The following FOXP1 variants were observed in gnomAD, a reference collection of about 807,000 sequenced individuals.
FOXP1 encodes the protein forkhead box protein P1.
Under a neutral mutation model 98.2 loss-of-function variants are expected in FOXP1, and 15 were observed. That is an observed-to-expected ratio of 0.15 (90% CI 0.10 to 0.24). The LOEUF is 0.24. Among genes scored for constraint, FOXP1 ranks in the 10% least tolerant of loss-of-function variants. The probability of loss-of-function intolerance (pLI) is 1.00; values close to 1 mark genes in which losing one functional copy is unlikely to be tolerated. For missense variants in FOXP1, 633 were observed against 848.5 expected, an observed-to-expected ratio of 0.75 and a Z score of 3.15; for synonymous variants, 371 against 314.5, an observed-to-expected ratio of 1.18 and a Z score of -1.90.
At chr3:71,265,892 T>C (rs2069596837) in intron 5 of FOXP1, among the ~76,000 whole-genome samples, 1 of 152,072 alleles carries the variant, frequency 6.6e-6, no homozygotes, top group South Asian at 2.1e-4. Flanking sequence ...CAGGAGCTCA[T>C]TTCACACCTC....
chr3:71,118,619 A>G (rs1259668098), intron 6 of FOXP1, among the ~76,000 whole-genome samples: 1 of 152,202 alleles, frequency 6.6e-6, no homozygotes, highest in Non-Finnish European at 1.5e-5. Flanking sequence ...GACTAACTGG[A>G]AAGTTTCTAG....
intron 7 of FOXP1, among the ~76,000 whole-genome samples, chr3:71,087,689 G>A (rs1249532264): frequency 6.6e-6 from 1 of 152,096 alleles, no homozygotes; most frequent in Non-Finnish European, 1.5e-5. Flanking sequence ...CAAATTTGTG[G>A]GTGGGGAAAC....
In FOXP1 at chr3:71,169,603, TC is replaced by T. The variant is rs1413603452; in HGVS notation, c.180+28598del. 2.0e-4 allele frequency among the ~76,000 whole-genome samples: 30 copies of T among 151,672 alleles called. No individual in the cohort carries two copies. In the East Asian group the frequency reaches 4.7e-3, roughly 24 times the overall value. On this transcript the variant is annotated intron_variant, in intron 6 of 20. Coordinates refer to ENST00000649528, the MANE Select transcript of FOXP1 (RefSeq NM_001349338.3). Reference sequence around the variant, plus strand: ...AACTGCACCTTTTATCTTTCCTTCCTCCCCCACCGCCCCCCGCAAATGTATC... The same window carrying T: ...AACTGCACCTTTTATCTTTCCTTCCTCCCCACCGCCCCCCGCAAATGTATC...
At chr3:71,465,879 T>C (rs1185557778) in intron 3 of FOXP1, among the ~76,000 whole-genome samples, 1 of 152,088 alleles carries the variant, frequency 6.6e-6, no homozygotes, top group African/African-American at 2.4e-5. Context: ...GCGAACCCTA[T>C]TGTGAACTGT....
At chr3:70,982,419 T>G (rs1286195551) in intron 14 of FOXP1, among the ~76,000 whole-genome samples, 1 of 152,224 alleles carries the variant, frequency 6.6e-6, no homozygotes, top group Non-Finnish European at 1.5e-5. Flanking sequence ...GGAAAGCCTA[T>G]TTTTCTTATT....
chr3:71,429,691 C>T (rs2084514764), intron 3 of FOXP1, among the ~76,000 whole-genome samples: 1 of 152,176 alleles, frequency 6.6e-6, no homozygotes, highest in African/African-American at 2.4e-5. Context: ...TCTGTGTTAA[C>T]TAAATATTGA....
intron 6 of FOXP1, among the ~76,000 whole-genome samples, chr3:71,140,710 AG>A: frequency 6.6e-6 from 1 of 152,306 alleles, no homozygotes; most frequent in Admixed American, 6.5e-5. Context: ...GCTTCTAAGT[AG>A]GTATCCAAAT....
At chr3:70,987,049 C>T (rs1007058171) in intron 14 of FOXP1, among the ~76,000 whole-genome samples, 1 of 152,192 alleles carries the variant, frequency 6.6e-6, no homozygotes, top group Non-Finnish European at 1.5e-5. Context: ...TGATTAAAAT[C>T]GCTGGTACTA....
At chr3:71,230,458 T>C (rs2066195139) in intron 5 of FOXP1, among the ~76,000 whole-genome samples, 1 of 152,142 alleles carries the variant, frequency 6.6e-6, no homozygotes, top group African/African-American at 2.4e-5. Flanking sequence ...AACCCTCCTC[T>C]ACCTGGAAAC....
At position 71,154,096 on chromosome 3, in the gene FOXP1, C is replaced by CTTCTTCT. The variant is rs1553761196; in HGVS notation, c.181-41460_181-41459insAGAAGAA. Among the ~76,000 whole-genome samples, 515 of 150,120 alleles carry CTTCTTCT rather than the reference C, an allele frequency of 3.4e-3. 5 individuals carry two copies. Among genetic ancestry groups the CTTCTTCT allele is most frequent in the African/African-American group, 0.012 (506 of 40,868 alleles). On this transcript the variant is annotated intron_variant, in intron 6 of 20. Coordinates refer to ENST00000649528, the MANE Select transcript of FOXP1 (RefSeq NM_001349338.3). ...TTGCATTCTTCTTCTTCTTCTTCTT[C>CTTCTTCT]TTTTTTTTTGCAATTGACTAATAAT...
chr3:71,058,144 C>T (rs2050935859), intron 7 of FOXP1, among the ~76,000 whole-genome samples: 1 of 151,980 alleles, frequency 6.6e-6, no homozygotes, highest in Non-Finnish European at 1.5e-5. Context: ...ATCTAGGAGA[C>T]AATTGAAGGA....
chr3:71,333,205 G>A (rs2076450922), intron 4 of FOXP1: 1 of 152,120 alleles, frequency 6.6e-6, no homozygotes, highest in African/African-American at 2.4e-5. Flanking sequence ...CCAAAGTAGA[G>A]AAGAATACAG....
chr3:71,564,861 T>C (rs2046793722), intron 2 of FOXP1, among the ~76,000 whole-genome samples: 1 of 152,190 alleles, frequency 6.6e-6, no homozygotes, highest in Non-Finnish European at 1.5e-5. Flanking sequence ...AGGCCTGTAA[T>C]CTCAGCACTT....
At chr3:71,015,812 AT>A (rs1407137298) in intron 11 of FOXP1, among the ~76,000 whole-genome samples, 159 bp from the exon 12 acceptor site, 1 of 152,206 alleles carries the variant, frequency 6.6e-6, no homozygotes, top group Non-Finnish European at 1.5e-5. Context: ...TTAATTCTGC[AT>A]TGTTGCCTAA....
At position 70,956,275 on chromosome 3, in the gene FOXP1, G is replaced by C. The variant is rs1179487800; in HGVS notation, c.*2972C>G. On this transcript the variant is annotated 3_prime_UTR_variant, in exon 21 of 21. Transcript: ENST00000649528. ...AAACCCCATCCTAAAGAAGCAACTG[G>C]GATAACCCCCAGGGGATACAGAATC... is the stretch of plus-strand genomic sequence containing the variant. The C allele has an allele frequency of 4.3e-6, 1 of 233,212 alleles. No individual in the cohort carries two copies. The highest frequency in any genetic ancestry group is 5.6e-5 in the Admixed American group (1 of 17,752). The allele number at this position is 233,212 out of a possible 1,614,324, so 14.4% of individuals were successfully genotyped here.
chr3:71,396,984 GTATATATATACACATATATATGTGTA>G lies in FOXP1; in HGVS notation c.-167-37766_-167-37741del, dbSNP rs1560424697. Among the ~76,000 whole-genome samples, 55 of 20,856 alleles carry G rather than the reference GTATATATATACACATATATATGTGTA, an allele frequency of 2.6e-3. 12 individuals carry two copies. Among genetic ancestry groups the G allele is most frequent in the African/African-American group, 7.7e-3 (38 of 4,918 alleles). 13.7% of individuals were successfully genotyped at this position (20,856 alleles called of 152,430 possible). Reference sequence around the variant, plus strand: ...TATATGTGTGTATATATATATATGTGTATATATATACACATATATATGTGTATATATATATATATACATATATATGT... The same window carrying G: ...TATATGTGTGTATATATATATATGTGTATATATATATATACATATATATGT... On this transcript the variant is annotated intron_variant, in intron 3 of 20. Coordinates refer to ENST00000649528, the MANE Select transcript of FOXP1 (RefSeq NM_001349338.3).
intron 17 of FOXP1, among the ~76,000 whole-genome samples, chr3:70,976,578 A>G (rs1454976933): frequency 6.6e-6 from 1 of 152,212 alleles, no homozygotes; most frequent in East Asian, 1.9e-4. Context: ...CTGGAGATAC[A>G]TCTCTGCAAA....
intron 5 of FOXP1, among the ~76,000 whole-genome samples, chr3:71,216,036 G>A (rs2064889678): frequency 7.9e-5 from 12 of 152,200 alleles, no homozygotes; most frequent in Admixed American, 7.9e-4. Flanking sequence ...GATACAAGTG[G>A]TTGATTATTA....
chr3:70,986,305 G>A (rs2039724450), intron 14 of FOXP1, among the ~76,000 whole-genome samples: 1 of 152,116 alleles, frequency 6.6e-6, no homozygotes, highest in African/African-American at 2.4e-5. Context: ...AGCGCCCTAC[G>A]GGGTTTTGTA....
Sources: allele counts gnomAD v4.1 joint callset (sites outside exome capture counted in the v4.1 genomes callset), GRCh38; gene constraint gnomAD v4.1.1; transcripts MANE v1.5; gene names NCBI Gene and HGNC (gene_info 2026-07-23, HGNC 2026-07-21).